SUGT1: variants seen among roughly 807,000 people sequenced by gnomAD.
SUGT1 encodes the protein protein SGT1 homolog.
Under a neutral mutation model 56.1 loss-of-function variants are expected in SUGT1, and 15 were observed. The ratio of observed to expected loss-of-function variants is 0.27; its 90% CI spans 0.18 to 0.41. The LOEUF (loss-of-function observed/expected upper bound fraction) is 0.41. Ranked by LOEUF, SUGT1 falls within the 10% of genes least tolerant of loss-of-function variation. The pLI, the probability that SUGT1 is intolerant of heterozygous loss-of-function variation, is 1.00. For missense variants in SUGT1, 347 were observed against 382.2 expected (o/e 0.91, Z 0.77); for synonymous variants, 123 against 128.6 (o/e 0.96, Z 0.30).
intron 12 of SUGT1, among the ~76,000 whole-genome samples, chr13:52,680,502 A>T (rs929091892): frequency 6.6e-6 from 1 of 152,116 alleles, no homozygotes; most frequent in Non-Finnish European, 1.5e-5. Context: ...GAATATAGAT[A>T]CGAAACTTTT....
At chr13:52,658,095 A>G in intron 3 of SUGT1, 1 of 1,273,756 alleles carries the variant, frequency 7.9e-7, no homozygotes, top group South Asian at 1.5e-5. Context: ...TACCTTCTGA[A>G]TAGGGAAAAA....
rs1320590034 is a variant in SUGT1, at chr13:52,690,362, C to T, written c.*2527C>T. On this transcript the variant is annotated 3_prime_UTR_variant, in exon 13 of 13. Coordinates refer to ENST00000310528, the MANE Select transcript of SUGT1 (RefSeq NM_006704.5). ...TATCTCAATGTAGCTATTAATTGTTCCCTCTTTGTTTCTAGACTCCAATTT... is the reference window on the plus strand; with the variant it reads ...TATCTCAATGTAGCTATTAATTGTTTCCTCTTTGTTTCTAGACTCCAATTT... 2 of 150,886 alleles carry T rather than the reference C, an allele frequency of 1.3e-5. No homozygotes were observed. The highest frequency in any genetic ancestry group is 4.2e-4 in the South Asian group (2 of 4,720). 9.3% of individuals were successfully genotyped at this position (150,886 alleles called of 1,614,324 possible).
intron 2 of SUGT1, among the ~76,000 whole-genome samples, chr13:52,654,776 T>G (rs959233143): frequency 6.6e-6 from 1 of 152,274 alleles, no homozygotes; most frequent in East Asian, 1.9e-4. Flanking sequence ...TTCTTTCGCA[T>G]TGCTGTGTAA....
chr13:52,687,904 C>G lies in SUGT1; in HGVS notation c.*69C>G, dbSNP rs1047793729. On this transcript the variant is annotated 3_prime_UTR_variant, in exon 13 of 13. Transcript: ENST00000310528. The stretch of plus-strand genomic sequence containing the variant: ...GCCCATTGTGTATTGATATTGCATT[C>G]TTGAATTTTGAACACTGAATATCTT... 10 of 998,136 alleles carry G rather than the reference C, an allele frequency of 1.0e-5. No homozygotes were observed. The highest frequency in any genetic ancestry group is 1.7e-5 in the African/African-American group (1 of 60,208). 61.8% of individuals were successfully genotyped at this position (998,136 alleles called of 1,614,324 possible).
chr13:52,674,053 CTT>C (rs765220996), intron 10 of SUGT1, among the ~76,000 whole-genome samples: 2 of 107,962 alleles, frequency 1.9e-5, no homozygotes, highest in Admixed American at 1.2e-4. Context: ...AGATAGTATA[CTT>C]TTTTTTTTTT....
chr13:52,668,729 ATTTGAC>A (rs1962815566), intron 10 of SUGT1, among the ~76,000 whole-genome samples: 1 of 151,402 alleles, frequency 6.6e-6, no homozygotes, highest in Non-Finnish European at 1.5e-5. Context: ...AAAATAATGA[ATTTGAC>A]TTTTTTTGGT....
rs765220996 is a variant in SUGT1, at chr13:52,674,053, C to CTTTTTTT, written c.628-2162_628-2156dup. On this transcript the variant is annotated intron_variant, in intron 10 of 12. Transcript: ENST00000310528. ...TGTAAATTACACCAAAGATAGTATA[C>CTTTTTTT]TTTTTTTTTTTTTTTTTTTTTGACA... Among the ~76,000 whole-genome samples the CTTTTTTT allele has an allele frequency of 1.7e-4, 18 of 107,948 alleles. 1 individual carries two copies. Among genetic ancestry groups the CTTTTTTT allele is most frequent in the Non-Finnish European group, 2.4e-4 (14 of 57,408 alleles). The allele number at this position is 107,948 out of a possible 152,430, so 70.8% of individuals were successfully genotyped here.
At chr13:52,675,161 C>T (rs1416249428) in intron 10 of SUGT1, among the ~76,000 whole-genome samples, 1 of 152,104 alleles carries the variant, frequency 6.6e-6, no homozygotes, top group Non-Finnish European at 1.5e-5. Flanking sequence ...AAAGCGTTTC[C>T]CCTTCACAGT....
At chr13:52,653,410 A>G (rs1962009400) in intron 2 of SUGT1, among the ~76,000 whole-genome samples, 1 of 151,796 alleles carries the variant, frequency 6.6e-6, no homozygotes, top group South Asian at 2.1e-4. Flanking sequence ...GACATTTATG[A>G]TTAGAGAAGT....
chr13:52,691,164 T>A lies in SUGT1; in HGVS notation c.*3329T>A, dbSNP rs1011638485. 2.0e-5 allele frequency: 3 copies of A among 152,044 alleles called. No homozygotes were observed. Among genetic ancestry groups the A allele is most frequent in the Non-Finnish European group, 4.4e-5 (3 of 68,018 alleles). 9.4% of individuals were successfully genotyped at this position (152,044 alleles called of 1,614,324 possible). Reference sequence around the variant, plus strand: ...CGACTGGCTAATTTTTGTATTTTTTTTGTAGAACCGGGTTTCACCATGTGC... The same window carrying A: ...CGACTGGCTAATTTTTGTATTTTTTATGTAGAACCGGGTTTCACCATGTGC... On this transcript the variant is annotated 3_prime_UTR_variant, in exon 13 of 13. Transcript: ENST00000310528.
At chr13:52,657,651 C>G in intron 3 of SUGT1, 29 bp downstream of exon 3, 1 of 1,571,170 alleles carries the variant, frequency 6.4e-7, no homozygotes, top group Non-Finnish European at 8.7e-7. Flanking sequence ...TATATTGCCC[C>G]CTTTTAATAA....
intron 9 of SUGT1, 147 bp from the exon 10 acceptor site, chr13:52,666,665 C>A (rs986992469): frequency 3.3e-6 from 2 of 605,118 alleles, no homozygotes; most frequent in South Asian, 2.2e-5. Flanking sequence ...TCTTTGAGAA[C>A]CTTTTGAGGT....
At chr13:52,678,503 G>T (rs1963237519) in intron 11 of SUGT1, among the ~76,000 whole-genome samples, 1 of 152,080 alleles carries the variant, frequency 6.6e-6, no homozygotes. Context: ...TTTGAATTGG[G>T]TTTTTTGAAA....
rs1382429395 is a variant in SUGT1 at position 52,697,305 on chromosome 13, G to GT, written c.*9476dup. ...TAGGCGTAAGCCACTGTGCCCGGCT[G>GT]TTTTTTGTTTTGTTTTGTTTTGTGT... On this transcript the variant is annotated 3_prime_UTR_variant, in exon 13 of 13. Coordinates refer to ENST00000310528, the MANE Select transcript of SUGT1 (RefSeq NM_006704.5). 6.6e-6 allele frequency: 1 copy of GT among 152,354 alleles called. No homozygotes were observed. The highest frequency in any genetic ancestry group is 1.5e-5 in the Non-Finnish European group (1 of 68,162). The allele number at this position is 152,354 out of a possible 1,614,324, so 9.4% of individuals were successfully genotyped here. A position where few individuals can be genotyped will look rare whatever the true frequency, so the allele number is the denominator to read the frequency against.
chr13:52,665,285 A>G (rs1399491318), intron 8 of SUGT1, among the ~76,000 whole-genome samples: 1 of 152,314 alleles, frequency 6.6e-6, no homozygotes, highest in East Asian at 1.9e-4. Context: ...AAATGAGAGT[A>G]TAAAAACTCT....
intron 10 of SUGT1, among the ~76,000 whole-genome samples, chr13:52,670,826 A>G (rs61683758): frequency 0.014 from 2,095 of 152,262 alleles, 47 homozygotes; most frequent in African/African-American, 0.048. Flanking sequence ...AAGAAAAAAA[A>G]GAATTAGAAT....
rs541839061 is a variant in SUGT1, at chr13:52,687,948, T to C, written c.*113T>C. 4 of 599,482 alleles carry C rather than the reference T, an allele frequency of 6.7e-6. No individual in the cohort carries two copies. In the African/African-American group the frequency reaches 7.7e-5, roughly 12 times the overall value. The allele number at this position is 599,482 out of a possible 1,614,324, so 37.1% of individuals were successfully genotyped here. On this transcript the variant is annotated 3_prime_UTR_variant, in exon 13 of 13. Transcript: ENST00000310528. Reference sequence around the variant, plus strand: ...ATATCTTTTTGAAAGATTATACTTCTTTACCTCTTTGTGCTTTAGAAATTA... The same window carrying C: ...ATATCTTTTTGAAAGATTATACTTCCTTACCTCTTTGTGCTTTAGAAATTA...
chr13:52,681,209 A>G (rs920027138), intron 12 of SUGT1, among the ~76,000 whole-genome samples: 7 of 150,446 alleles, frequency 4.7e-5, no homozygotes, highest in African/African-American at 1.7e-4. Context: ...TGAGCTAAAG[A>G]TCTTGAGATT....
intron 5 of SUGT1, 109 bp from the exon 6 acceptor site, chr13:52,662,540 C>CGAGAA: frequency 9.6e-7 from 1 of 1,041,476 alleles, no homozygotes; most frequent in South Asian, 1.7e-5. Flanking sequence ...TCGCTGCCGA[C>CGAGAA]TCCCCAGTGC....
Sources: gnomAD v4.1 joint callset for allele counts (sites outside exome capture counted in the v4.1 genomes callset) on GRCh38, gnomAD v4.1.1 for gene constraint, MANE v1.5 for transcripts, NCBI Gene and HGNC (gene_info 2026-07-23, HGNC 2026-07-21) for gene names.